The following KIAA1217 variants were observed in gnomAD, a reference collection of about 807,000 sequenced individuals.
The protein encoded by KIAA1217 is sickle tail protein homolog.
KIAA1217 carries 88 observed loss-of-function variants against 163.9 expected under a neutral mutation model. That is an observed-to-expected ratio of 0.54 (90% CI 0.45 to 0.64). The LOEUF (loss-of-function observed/expected upper bound fraction) is 0.64. KIAA1217 is among the 30% of genes least tolerant of loss of function. The probability of loss-of-function intolerance (pLI) is 0.00; values close to 1 mark genes in which losing one functional copy is unlikely to be tolerated. For synonymous variants in KIAA1217, 903 were observed against 923.1 expected, an observed-to-expected ratio of 0.98 and a Z score of 0.39; for missense variants, 2,372 against 2,475.0, an observed-to-expected ratio of 0.96 and a Z score of 0.88.
chr10:23,998,030 TC>T, intron 1 of KIAA1217, among the ~76,000 whole-genome samples: 1 of 151,976 alleles, frequency 6.6e-6, no homozygotes, highest in South Asian at 2.1e-4. Context: ...GTTCTCTGAA[TC>T]CCATTTATAC....
intron 1 of KIAA1217, among the ~76,000 whole-genome samples, chr10:23,801,544 A>T (rs1238944509): frequency 6.6e-6 from 1 of 152,204 alleles, no homozygotes; most frequent in Non-Finnish European, 1.5e-5. Flanking sequence ...GACTCCATCC[A>T]AGGGTTTAAT....
At chr10:23,887,398 G>T (rs909809574) in intron 1 of KIAA1217, among the ~76,000 whole-genome samples, 4 of 151,832 alleles carry the variant, frequency 2.6e-5, no homozygotes, top group African/African-American at 7.2e-5. Flanking sequence ...ACAAAGAGTT[G>T]TAAAAGAAAG....
At chr10:23,796,554 G>A (rs1222373602) in intron 1 of KIAA1217, among the ~76,000 whole-genome samples, 2 of 151,846 alleles carry the variant, frequency 1.3e-5, no homozygotes, top group African/African-American at 4.8e-5. Flanking sequence ...GTAGAGTTGG[G>A]GTTTCACCAT....
At position 23,859,789 on chromosome 10, in the gene KIAA1217, C is replaced by G. The variant is rs568110645; in HGVS notation, c.-320-147436C>G. Reference sequence around the variant, plus strand: ...ACATTTTTAGAGATGAGTTTATTAGCCTCATTAAAGTGTCACTGTGTTTAG... The same window carrying G: ...ACATTTTTAGAGATGAGTTTATTAGGCTCATTAAAGTGTCACTGTGTTTAG... On this transcript the variant is annotated intron_variant, in intron 1 of 18. Coordinates refer to the KIAA1217 transcript ENST00000376462. Among the ~76,000 whole-genome samples, 193 of 151,744 alleles carry G rather than the reference C, an allele frequency of 1.3e-3. 1 individual carries two copies. Among genetic ancestry groups the G allele is most frequent in the Non-Finnish European group, 2.2e-3 (150 of 67,974 alleles).
intron 4 of KIAA1217, among the ~76,000 whole-genome samples, chr10:24,433,702 AG>A (rs1331523617): frequency 6.6e-6 from 1 of 152,102 alleles, no homozygotes; most frequent in African/African-American, 2.4e-5. Context: ...TTCCCCCTCA[AG>A]TGTTCTTTCC....
intron 3 of KIAA1217, among the ~76,000 whole-genome samples, chr10:24,394,454 GT>G (rs60728682): frequency 0.2 from 30,595 of 150,486 alleles, 4,074 homozygotes; most frequent in African/African-American, 0.37. Flanking sequence ...GTTTTGTTTT[GT>G]TTTTTTTTAA....
intron 2 of KIAA1217, among the ~76,000 whole-genome samples, chr10:24,372,389 A>G (rs2051791033): frequency 6.6e-6 from 1 of 152,214 alleles, no homozygotes. Flanking sequence ...GGTGCGTTTC[A>G]GTTCTTTGAT....
In KIAA1217 at chr10:24,092,004, C is replaced by A. The variant is rs749532949; in HGVS notation, c.-171+84630C>A. ...CCTCTCATTAACATGGAAGAGCTAC[C>A]TTTTTATCAAAAGCCAGTCCCTCCC... is the stretch of plus-strand genomic sequence containing the variant. On this transcript the variant is annotated intron_variant, in intron 2 of 18. Transcript: ENST00000376462. Among the ~76,000 whole-genome samples the A allele has an allele frequency of 9.2e-5, 14 of 151,742 alleles. 1 individual carries two copies. Among genetic ancestry groups the A allele is most frequent in the Non-Finnish European group, 1.8e-4 (12 of 68,038 alleles).
At chr10:24,063,749 G>A (rs576858630) in intron 2 of KIAA1217, among the ~76,000 whole-genome samples, 32 of 152,236 alleles carry the variant, frequency 2.1e-4, no homozygotes, top group Middle Eastern at 3.4e-3. Context: ...CCATTTTCAT[G>A]ATATTGATTC....
At chr10:24,226,262 T>C (rs2070511537) in intron 2 of KIAA1217, among the ~76,000 whole-genome samples, 1 of 152,190 alleles carries the variant, frequency 6.6e-6, no homozygotes, top group African/African-American at 2.4e-5. Flanking sequence ...CCAAAGTTTG[T>C]TGACATCATG....
intron 1 of KIAA1217, among the ~76,000 whole-genome samples, chr10:24,218,237 C>A (rs778558742): frequency 1.3e-5 from 2 of 152,116 alleles, no homozygotes; most frequent in Non-Finnish European, 2.9e-5. Flanking sequence ...GACACCCCAT[C>A]TCCCAACCAT....
chr10:23,707,893 G>T lies in KIAA1217; in HGVS notation c.-321+12659G>T, dbSNP rs1054434339. Among the ~76,000 whole-genome samples the T allele has an allele frequency of 2.6e-5, 4 of 152,170 alleles. No homozygotes were observed. In the South Asian group the frequency reaches 6.2e-4, roughly 24 times the overall value. On this transcript the variant is annotated intron_variant, in intron 1 of 18. Transcript: ENST00000376462. ...TGAGACTCAAAGTGGAGGCAAGAGA[G>T]AAATGGAATTGAATGAAGGATTTGA... is the stretch of plus-strand genomic sequence containing the variant.
rs1435017979 is a variant in KIAA1217, at chr10:23,695,100, A to G, written c.-455A>G. 1 of 152,240 alleles carries G rather than the reference A, an allele frequency of 6.6e-6. No homozygotes were observed. Among genetic ancestry groups the G allele is most frequent in the African/African-American group, 2.4e-5 (1 of 41,460 alleles). The allele number at this position is 152,240 out of a possible 1,614,324, so 9.4% of individuals were successfully genotyped here. A position where few individuals can be genotyped will look rare whatever the true frequency, so the allele number is the denominator to read the frequency against. ...GGCCCCCGGCACGCTCGCCCGGGAG[A>G]TACCCCTTCCCCCTCTTGCGCATTT... On this transcript the variant is annotated 5_prime_UTR_variant, in exon 1 of 19. Transcript: ENST00000376462. This position sits in a 1 kb window ranked among gnomAD's most constrained non-coding sequence, Gnocchi z 4.9.
chr10:23,854,264 A>G (rs994343027), intron 1 of KIAA1217, among the ~76,000 whole-genome samples: 27 of 152,128 alleles, frequency 1.8e-4, no homozygotes, highest in African/African-American at 6.0e-4. Context: ...CCTTCATATC[A>G]TTATGTACCC....
chr10:24,297,275 T>A (rs2040739323), intron 2 of KIAA1217, among the ~76,000 whole-genome samples: 1 of 152,236 alleles, frequency 6.6e-6, no homozygotes, highest in Non-Finnish European at 1.5e-5. Context: ...ACAGATCCAC[T>A]GACTACATTT....
At position 24,489,003 on chromosome 10, in the gene KIAA1217, G is replaced by C. The variant is rs117204715; in HGVS notation, c.1680-5497G>C. On this transcript the variant is annotated intron_variant, in intron 6 of 20. Coordinates refer to ENST00000376454, the MANE Select transcript of KIAA1217 (RefSeq NM_019590.5). ...AAGGGCTCAAAAATATTTGTTGATT[G>C]ACTCTTTGGCCATGTAACACTTTCT... Among the ~76,000 whole-genome samples the C allele has an allele frequency of 2.7e-3, 412 of 152,278 alleles. 11 individuals carry two copies. In the South Asian group the frequency reaches 0.047, roughly 17 times the overall value.
At chr10:24,265,286 A>G (rs2076128732) in intron 2 of KIAA1217, among the ~76,000 whole-genome samples, 1 of 152,228 alleles carries the variant, frequency 6.6e-6, no homozygotes. Context: ...AGATCCACAG[A>G]CATTTTGATT....
chr10:24,299,003 G>A (rs889162505), intron 2 of KIAA1217, among the ~76,000 whole-genome samples: 2 of 152,006 alleles, frequency 1.3e-5, no homozygotes, highest in African/African-American at 4.8e-5. Flanking sequence ...CTGGCTTCTG[G>A]GGGTCCCGGC....
At chr10:23,861,044 T>C (rs1303437897) in intron 1 of KIAA1217, among the ~76,000 whole-genome samples, 1 of 151,830 alleles carries the variant, frequency 6.6e-6, no homozygotes, top group African/African-American at 2.4e-5. Flanking sequence ...TCCTGAGTAA[T>C]TGGAACTACA....
Sources: allele counts gnomAD v4.1 joint callset (sites outside exome capture counted in the v4.1 genomes callset), GRCh38; gene constraint gnomAD v4.1.1; non-coding constraint Gnocchi (gnomAD v3.1); transcripts MANE v1.5; gene names NCBI Gene and HGNC (gene_info 2026-07-23, HGNC 2026-07-21).